The following POLN variants were observed in gnomAD, a reference collection of about 807,000 sequenced individuals.
POLN encodes the protein DNA polymerase N.
In POLN, 108 loss-of-function variants were observed where a neutral mutation model predicts 113.5. The observed-to-expected ratio is 0.95, with a 90% confidence interval of 0.81 to 1.12. POLN has a LOEUF of 1.12. POLN is among the 50% of genes most tolerant of loss of function. The pLI, the probability that POLN is intolerant of heterozygous loss-of-function variation, is 0.00. For missense variants in POLN, 1,097 were observed against 1,077.1 expected (o/e 1.02, Z -0.26); for synonymous variants, 386 against 391.5 (o/e 0.99, Z 0.17).
chr4:2,128,179 G>A lies in POLN; in HGVS notation c.1916C>T (p.Pro639Leu), dbSNP rs144575256. Residue 639 changes from proline (P) to leucine (L), a missense_variant, in exon 19 of 26, where the codon CCG (proline) becomes CTG (leucine). Pro to Leu is a moderately conservative substitution (Grantham distance 98). Coordinates refer to ENST00000511885, the MANE Select transcript of POLN (RefSeq NM_181808.4). ...LRILTHLSGD[P>L]ELLKLFQESE... ...TTCCTGGAATAACTTCAGAAGTTCC[G>A]GATCTCCAGATAAATGTGTAAGAAT... The A allele has an allele frequency of 1.5e-5, 24 of 1,612,650 alleles. No individual in the cohort carries two copies. In the African/African-American group the frequency reaches 2.5e-4, roughly 17 times the overall value.
In POLN at chr4:2,092,553, C is replaced by T. The variant is rs114046725; in HGVS notation, c.2065+3298G>A. On this transcript the variant is annotated intron_variant, in intron 20 of 25. Coordinates refer to ENST00000511885, the MANE Select transcript of POLN (RefSeq NM_181808.4). Reference sequence around the variant, plus strand: ...CCTACCAGCTCCCCCACGGTGGCTGCGGGGACTGAGCACACAGACCCTGCA... The same window carrying T: ...CCTACCAGCTCCCCCACGGTGGCTGTGGGGACTGAGCACACAGACCCTGCA... 3.4e-3 allele frequency among the ~76,000 whole-genome samples: 520 copies of T among 152,312 alleles called. 3 individuals are homozygous for T. Among genetic ancestry groups the T allele is most frequent in the African/African-American group, 0.012 (495 of 41,568 alleles).
chr4:2,235,646 G>A (rs1180755217), intron 2 of POLN, among the ~76,000 whole-genome samples: 1 of 152,122 alleles, frequency 6.6e-6, no homozygotes, highest in Non-Finnish European at 1.5e-5. Context: ...AGTCATTGAA[G>A]GATACATACC....
intron 4 of POLN, among the ~76,000 whole-genome samples, chr4:2,210,644 C>G (rs998175527): frequency 3.6e-4 from 53 of 146,474 alleles, no homozygotes; most frequent in South Asian, 8.6e-4. Context: ...AAAAAGAGGC[C>G]GGGCATGGTG....
intron 23 of POLN, chr4:2,080,086 G>T (rs751608099): frequency 1.0e-6 from 1 of 985,532 alleles, no homozygotes; most frequent in Non-Finnish European, 1.2e-6. Context: ...AGAGGGCGAG[G>T]GGCCCTTCGG....
At chr4:2,131,046 A>G (rs1731715061) in intron 17 of POLN, among the ~76,000 whole-genome samples, 187 bp downstream of exon 17, 1 of 152,154 alleles carries the variant, frequency 6.6e-6, no homozygotes, top group African/African-American at 2.4e-5. Context: ...TTAGCCAAGT[A>G]TGGTGGTGTG....
At chr4:2,221,570 T>C (rs941209211) in intron 3 of POLN, among the ~76,000 whole-genome samples, 10 of 152,038 alleles carry the variant, frequency 6.6e-5, no homozygotes, top group African/African-American at 2.4e-4. Context: ...ACCTTTTGTC[T>C]CTTACCTACT....
At chr4:2,097,844 T>C (rs1730833773) in intron 19 of POLN, among the ~76,000 whole-genome samples, 1 of 152,234 alleles carries the variant, frequency 6.6e-6, no homozygotes, top group Non-Finnish European at 1.5e-5. Context: ...GCTTGGTTGC[T>C]GTAAACCTTT....
At chr4:2,109,858 G>C (rs528072534) in intron 19 of POLN, among the ~76,000 whole-genome samples, 129 of 151,778 alleles carry the variant, frequency 8.5e-4, no homozygotes, top group Non-Finnish European at 1.5e-3. Flanking sequence ...ATTTTGTTCT[G>C]TTTCTCCTTT....
chr4:2,164,113 T>A (rs1255735051), intron 13 of POLN, among the ~76,000 whole-genome samples: 1 of 152,196 alleles, frequency 6.6e-6, no homozygotes, highest in Non-Finnish European at 1.5e-5. Flanking sequence ...TAAAAATCCA[T>A]CTGCTTTCCA....
At chr4:2,156,171 A>G (rs1732419272) in intron 16 of POLN, among the ~76,000 whole-genome samples, 1 of 152,178 alleles carries the variant, frequency 6.6e-6, no homozygotes, top group South Asian at 2.1e-4. Flanking sequence ...CTTAGCAAAA[A>G]GTGTGGAAAG....
intron 9 of POLN, among the ~76,000 whole-genome samples, chr4:2,175,021 G>A (rs1419380945): frequency 1.3e-5 from 2 of 151,840 alleles, no homozygotes; most frequent in East Asian, 1.9e-4. Flanking sequence ...ACGGAGTTTC[G>A]CCATGTAGGC....
chr4:2,236,855 T>C (rs1317064921), intron 2 of POLN, among the ~76,000 whole-genome samples: 1 of 150,770 alleles, frequency 6.6e-6, no homozygotes, highest in Non-Finnish European at 1.5e-5. Context: ...AGAGTGAGAC[T>C]CCGTCTCCAA....
rs1210083049 is a variant in POLN at position 2,080,823 on chromosome 4, G to A, written c.2387+135C>T. 12 of 1,552,034 alleles carry A rather than the reference G, an allele frequency of 7.7e-6. No individual in the cohort carries two copies. The Admixed American group carries it at 1.2e-4, about 16-fold the overall frequency. On this transcript the variant is annotated intron_variant, in intron 23 of 25. Coordinates refer to ENST00000511885, the MANE Select transcript of POLN (RefSeq NM_181808.4). ...GTGAGTAGCCCCCAGGGCCTTCCAT[G>A]GGCTGAGAGCCTCAGGAGGGGACGG...
intron 16 of POLN, 63 bp from the exon 17 acceptor site, chr4:2,131,353 T>C: frequency 9.2e-7 from 1 of 1,084,988 alleles, no homozygotes; most frequent in South Asian, 1.4e-5. Context: ...CTACTTAGGG[T>C]ATTTAATGTA....
chr4:2,176,426 C>T (rs1248530647), intron 8 of POLN, 92 bp from the exon 9 acceptor site: 1 of 1,005,330 alleles, frequency 9.9e-7, no homozygotes. Context: ...AAAAATGTTT[C>T]CTAGTAAAAT....
chr4:2,113,872 A>G (rs564142116), intron 19 of POLN, among the ~76,000 whole-genome samples: 1 of 144,262 alleles, frequency 6.9e-6, no homozygotes, highest in African/African-American at 2.6e-5. Flanking sequence ...TAATAATAAT[A>G]ATAATAATAA....
intron 16 of POLN, among the ~76,000 whole-genome samples, chr4:2,139,029 G>C (rs958634278): frequency 3.9e-5 from 6 of 152,286 alleles, no homozygotes; most frequent in South Asian, 2.1e-4. Flanking sequence ...AAGCTGCCGG[G>C]AAAGGAGATG....
intron 3 of POLN, among the ~76,000 whole-genome samples, chr4:2,218,687 A>G (rs932093047): frequency 1.3e-5 from 2 of 152,164 alleles, no homozygotes; most frequent in African/African-American, 4.8e-5. Flanking sequence ...GTGCAAATTT[A>G]TATTGTCCAT....
intron 16 of POLN, among the ~76,000 whole-genome samples, chr4:2,133,148 CAA>C (rs3045447): frequency 1.4e-5 from 2 of 140,684 alleles, no homozygotes; most frequent in African/African-American, 2.6e-5. Flanking sequence ...TAAAAAATGG[CAA>C]AAAAAAAAAA....
Sources: gnomAD v4.1 joint callset for allele counts (sites outside exome capture counted in the v4.1 genomes callset) on GRCh38, gnomAD v4.1.1 for gene constraint, MANE v1.5 for transcripts, NCBI Gene and HGNC (gene_info 2026-07-23, HGNC 2026-07-21) for gene names.